ABCD3: variants seen among roughly 807,000 people sequenced by gnomAD.
The protein encoded by ABCD3 is ATP-binding cassette sub-family D member 3.
ABCD3 carries 41 observed loss-of-function variants against 105.5 expected under a neutral mutation model. The observed-to-expected ratio is 0.39, with a 90% CI of 0.30 to 0.50. The LOEUF is 0.50. Among genes scored for constraint, ABCD3 ranks in the 20% least tolerant of loss-of-function variants. The pLI is 0.84. For synonymous variants in ABCD3, 258 were observed against 269.0 expected, an observed-to-expected ratio of 0.96 and a Z score of 0.40; for missense variants, 622 against 806.3, an observed-to-expected ratio of 0.77 and a Z score of 2.77.
intron 1 of ABCD3, among the ~76,000 whole-genome samples, chr1:94,422,372 A>C (rs1323489395): frequency 6.6e-6 from 1 of 152,158 alleles, no homozygotes; most frequent in Non-Finnish European, 1.5e-5. Flanking sequence ...CACACTTCTT[A>C]TGAGAATCTA....
chr1:94,431,922 G>A (rs1659699841), intron 1 of ABCD3, among the ~76,000 whole-genome samples: 1 of 152,126 alleles, frequency 6.6e-6, no homozygotes, highest in South Asian at 2.1e-4. Flanking sequence ...AAGATATATT[G>A]TTTAGTAAAG....
intron 6 of ABCD3, 128 bp downstream of exon 6, chr1:94,475,368 T>C: frequency 1.3e-6 from 1 of 773,820 alleles, no homozygotes; most frequent in Non-Finnish European, 2.1e-6. Context: ...TACAGAAGCA[T>C]GTTGGGAACA....
intron 2 of ABCD3, among the ~76,000 whole-genome samples, chr1:94,461,657 T>C (rs1187576076): frequency 6.6e-6 from 1 of 152,098 alleles, no homozygotes; most frequent in African/African-American, 2.4e-5. Flanking sequence ...TGAGCTGCTT[T>C]CTTTTTTACA....
the ABCD3 span, among the ~76,000 whole-genome samples, chr1:94,402,596 A>T: frequency 6.6e-6 from 1 of 152,164 alleles, no homozygotes; most frequent in Non-Finnish European, 1.5e-5. Flanking sequence ...TACCAATAGT[A>T]TTCCAGTTTT....
At chr1:94,476,887 T>TTC (rs150786188) in intron 7 of ABCD3, among the ~76,000 whole-genome samples, 7 of 151,208 alleles carry the variant, frequency 4.6e-5, no homozygotes, top group Middle Eastern at 3.2e-3. Flanking sequence ...TTCTCTCTCT[T>TTC]TCTCTCTCTC....
At chr1:94,493,279 G>A (rs1193701055) in intron 16 of ABCD3, among the ~76,000 whole-genome samples, 140 of 150,208 alleles carry the variant, frequency 9.3e-4, no homozygotes, top group African/African-American at 2.6e-3. Flanking sequence ...AAAAGTGGGC[G>A]AAGGACATGA....
chr1:94,440,391 A>G (rs1182134740), intron 1 of ABCD3, among the ~76,000 whole-genome samples: 1 of 152,170 alleles, frequency 6.6e-6, no homozygotes, highest in Non-Finnish European at 1.5e-5. Context: ...CTATGGTCTC[A>G]CATAGTATTC....
chr1:94,491,149 T>G lies in ABCD3; in HGVS notation c.1323-35T>G, dbSNP rs1283084312. On this transcript the variant is annotated intron_variant, in intron 15 of 22. Coordinates refer to ENST00000370214, the MANE Select transcript of ABCD3 (RefSeq NM_002858.4). ...AGTTGTATTAGTTCCTTATATACTT[T>G]AAAGTAATTCTCTTTTTAAAAATTT... is the stretch of plus-strand genomic sequence containing the variant. 6 of 1,477,036 alleles carry G rather than the reference T, an allele frequency of 4.1e-6. No individual in the cohort carries two copies. The African/African-American group carries it at 5.6e-5, about 14-fold the overall frequency. The allele number at this position is 1,477,036 out of a possible 1,614,324, so 91.5% of individuals were successfully genotyped here. A position where few individuals can be genotyped will look rare whatever the true frequency, so the allele number is the denominator to read the frequency against.
At chr1:94,391,768 C>CA in the ABCD3 span, among the ~76,000 whole-genome samples, 11 of 151,804 alleles carry the variant, frequency 7.2e-5, no homozygotes, top group African/African-American at 2.7e-4. Context: ...ACCCTTTCCT[C>CA]AAAAAAAAGT....
chr1:94,415,362 C>G (rs1658981493), upstream of ABCD3, among the ~76,000 whole-genome samples: 1 of 152,150 alleles, frequency 6.6e-6, no homozygotes, highest in African/African-American at 2.4e-5. Flanking sequence ...CTCAGTAGCT[C>G]AAATTCTTTA....
intron 7 of ABCD3, 101 bp from the exon 8 acceptor site, chr1:94,478,158 T>C (rs1648852856): frequency 1.3e-6 from 1 of 742,676 alleles, no homozygotes; most frequent in Non-Finnish European, 2.3e-6. Context: ...TTGATAATTA[T>C]ATATTAAATG....
chr1:94,420,067 G>T (rs1659199192), intron 1 of ABCD3, among the ~76,000 whole-genome samples: 1 of 152,230 alleles, frequency 6.6e-6, no homozygotes, highest in African/African-American at 2.4e-5. Flanking sequence ...TGGAGGAGGG[G>T]ACTCGAGGAC....
intron 5 of ABCD3, among the ~76,000 whole-genome samples, chr1:94,474,048 A>G (rs1476108076): frequency 2.7e-5 from 4 of 148,570 alleles, no homozygotes; most frequent in Non-Finnish European, 5.9e-5. Context: ...TATAATGTGT[A>G]TATATATTCA....
chr1:94,470,188 G>A (rs1176847475), intron 4 of ABCD3, among the ~76,000 whole-genome samples: 1 of 152,054 alleles, frequency 6.6e-6, no homozygotes, highest in Non-Finnish European at 1.5e-5. Context: ...CTTTCTTCTA[G>A]TCTCATACTT....
chr1:94,444,552 T>G (rs1660273344), intron 1 of ABCD3, among the ~76,000 whole-genome samples: 1 of 152,248 alleles, frequency 6.6e-6, no homozygotes, highest in Non-Finnish European at 1.5e-5. Context: ...ATAAAGTTCT[T>G]TGTGAACACT....
chr1:94,487,514 A>G (rs1294222220), intron 10 of ABCD3, 28 bp from the exon 11 acceptor site: 4 of 1,603,040 alleles, frequency 2.5e-6, no homozygotes, highest in Admixed American at 1.7e-5. Context: ...AGAGAAAAAG[A>G]TGGTTTTTTG....
rs991567420 is a variant in ABCD3, at chr1:94,517,346, T to C, written c.*217T>C. 1.9e-5 allele frequency: 9 copies of C among 475,242 alleles called. No individual in the cohort carries two copies. Among genetic ancestry groups the C allele is most frequent in the Non-Finnish European group, 3.4e-5 (9 of 261,084 alleles). 29.4% of individuals were successfully genotyped at this position (475,242 alleles called of 1,614,324 possible). A position where few individuals can be genotyped will look rare whatever the true frequency, so the allele number is the denominator to read the frequency against. On this transcript the variant is annotated 3_prime_UTR_variant, in exon 23 of 23. Coordinates refer to ENST00000370214, the MANE Select transcript of ABCD3 (RefSeq NM_002858.4). ...GTGTATATGTTGGTTTAATTAATAATATGTACTAAGAATGTCCTTATTCTT... is the reference window on the plus strand; with the variant it reads ...GTGTATATGTTGGTTTAATTAATAACATGTACTAAGAATGTCCTTATTCTT...
intron 16 of ABCD3, among the ~76,000 whole-genome samples, chr1:94,495,981 T>C (rs1313704276): frequency 6.6e-6 from 1 of 152,258 alleles, no homozygotes; most frequent in Non-Finnish European, 1.5e-5. Context: ...GAAAAAAGTT[T>C]ATTCATCTGA....
chr1:94,445,080 G>A (rs1983859), intron 1 of ABCD3, among the ~76,000 whole-genome samples: 54,844 of 152,074 alleles, frequency 0.36, 11,442 homozygotes, highest in Middle Eastern at 0.55. Context: ...TTTATTTCCC[G>A]TAAGAAATGC....
Sources: gnomAD v4.1 joint callset for allele counts (sites outside exome capture counted in the v4.1 genomes callset) on GRCh38, gnomAD v4.1.1 for gene constraint, MANE v1.5 for transcripts, NCBI Gene and HGNC (gene_info 2026-07-23, HGNC 2026-07-21) for gene names.